The following NEK7 variants were observed in gnomAD, a reference collection of about 807,000 sequenced individuals.
NEK7 encodes the protein NIMA related kinase 7.
A neutral mutation model predicts 44.6 loss-of-function variants in NEK7; 18 were observed. That is an observed-to-expected ratio of 0.40 (90% CI 0.28 to 0.60). The LOEUF is 0.60. Among genes scored for constraint, NEK7 ranks in the 20% least tolerant of loss-of-function variants. The pLI, the probability that NEK7 is intolerant of heterozygous loss-of-function variation, is 0.38. For missense variants in NEK7, 256 were observed against 366.5 expected, an observed-to-expected ratio of 0.70 and a Z score of 2.46; for synonymous variants, 130 against 121.1, an observed-to-expected ratio of 1.07 and a Z score of -0.48.
chr1:198,313,765 G>GT (rs777875237), intron 9 of NEK7, among the ~76,000 whole-genome samples: 44 of 139,688 alleles, frequency 3.1e-4, no homozygotes, highest in Non-Finnish European at 5.8e-4. Flanking sequence ...TTGAATATTG[G>GT]CCCCACTCTC....
chr1:198,254,264 AT>A (rs1382997067), intron 3 of NEK7, among the ~76,000 whole-genome samples: 1 of 152,106 alleles, frequency 6.6e-6, no homozygotes, highest in Non-Finnish European at 1.5e-5. Context: ...CATTAAAAAT[AT>A]TTTCGACATG....
chr1:198,212,042 C>A (rs894835887), intron 1 of NEK7, among the ~76,000 whole-genome samples: 1 of 152,176 alleles, frequency 6.6e-6, no homozygotes, highest in Non-Finnish European at 1.5e-5. Flanking sequence ...GAAAGGCATT[C>A]GGATGTGTCT....
At chr1:198,157,411 G>A (rs1037493817) in intron 1 of NEK7, 135 bp downstream of exon 1, 1 of 152,322 alleles carries the variant, frequency 6.6e-6, no homozygotes, top group Non-Finnish European at 1.5e-5. Flanking sequence ...CTCGGGGTAG[G>A]TGGGGCGGGG....
chr1:198,236,228 A>G (rs1666542044), intron 2 of NEK7, among the ~76,000 whole-genome samples: 1 of 152,084 alleles, frequency 6.6e-6, no homozygotes, highest in Admixed American at 6.6e-5. Flanking sequence ...AGTAAGTGTC[A>G]TTTAACTTGT....
At chr1:198,280,110 A>G (rs1418969939) in intron 7 of NEK7, among the ~76,000 whole-genome samples, 1 of 152,022 alleles carries the variant, frequency 6.6e-6, no homozygotes, top group Non-Finnish European at 1.5e-5. Context: ...ATAGAGCGTT[A>G]TAATTTTTCC....
intron 9 of NEK7, among the ~76,000 whole-genome samples, chr1:198,305,354 T>C (rs559827664): frequency 2.6e-5 from 4 of 152,310 alleles, no homozygotes; most frequent in African/African-American, 9.6e-5. Flanking sequence ...CTTAGAATCA[T>C]TGCACAGTAT....
intron 2 of NEK7, among the ~76,000 whole-genome samples, chr1:198,252,516 C>A: frequency 9.1e-6 from 1 of 110,124 alleles, no homozygotes; most frequent in Non-Finnish European, 1.8e-5. Context: ...TTAGGCTTTC[C>A]TATCTCACAT....
At chr1:198,241,432 TTATGA>T (rs1251498513) in intron 2 of NEK7, among the ~76,000 whole-genome samples, 4 of 152,204 alleles carry the variant, frequency 2.6e-5, no homozygotes, top group Non-Finnish European at 4.4e-5. Flanking sequence ...TCTAGTACAG[TTATGA>T]TAGGTGTCCC....
chr1:198,163,078 T>C lies in NEK7; in HGVS notation c.-29+5802T>C, dbSNP rs566859100. Among the ~76,000 whole-genome samples the C allele has an allele frequency of 2.0e-5, 3 of 152,332 alleles. No homozygotes were observed. The East Asian group carries it at 5.8e-4, about 29-fold the overall frequency. ...TGGTTATAATCATAACAAAGACATA[T>C]GTCCTTATATTATGGTTGGAAAAGT... On this transcript the variant is annotated intron_variant, in intron 1 of 9. Coordinates refer to ENST00000367385, the MANE Select transcript of NEK7 (RefSeq NM_133494.3).
At chr1:198,187,968 A>G (rs572282783) in intron 1 of NEK7, among the ~76,000 whole-genome samples, 1 of 152,316 alleles carries the variant, frequency 6.6e-6, no homozygotes, top group East Asian at 1.9e-4. Flanking sequence ...ATCTGGCTCT[A>G]TAGAGGCACT....
At position 198,212,705 on chromosome 1, in the gene NEK7, G is replaced by T. The variant is rs1665810563; in HGVS notation, c.-28-19848G>T. ...TGGGAGCTCCATGGCCCAGCCCATT[G>T]CCTGAAATACCAGAGTACCACCCCA... On this transcript the variant is annotated intron_variant, in intron 1 of 9. Transcript: ENST00000367385. Among the ~76,000 whole-genome samples, 3 of 152,146 alleles carry T rather than the reference G, an allele frequency of 2.0e-5. No individual in the cohort carries two copies. In the South Asian group the frequency reaches 6.2e-4, roughly 32 times the overall value.
At chr1:198,281,864 T>C (rs1417238857) in intron 7 of NEK7, among the ~76,000 whole-genome samples, 2 of 152,102 alleles carry the variant, frequency 1.3e-5, no homozygotes, top group Non-Finnish European at 2.9e-5. Context: ...CTGTAGTCTG[T>C]CTTCTGTAGC....
intron 2 of NEK7, among the ~76,000 whole-genome samples, chr1:198,250,355 C>T (rs1159447197): frequency 1.5e-4 from 23 of 151,916 alleles, no homozygotes; most frequent in East Asian, 3.9e-4. Context: ...ATTGACTTGG[C>T]GATGCGGGCT....
chr1:198,216,602 A>G (rs1938380), intron 1 of NEK7, among the ~76,000 whole-genome samples: 77,552 of 151,244 alleles, frequency 0.51, 23,130 homozygotes, highest in East Asian at 0.9. Flanking sequence ...AAATGAAATT[A>G]GAACAAACAA....
intron 1 of NEK7, among the ~76,000 whole-genome samples, chr1:198,214,271 G>A (rs1665856658): frequency 6.6e-6 from 1 of 152,144 alleles, no homozygotes; most frequent in Non-Finnish European, 1.5e-5. Flanking sequence ...TGAAAAAATA[G>A]GGTTCTATAA....
chr1:198,271,727 G>C (rs890165983), intron 5 of NEK7, among the ~76,000 whole-genome samples: 4 of 151,620 alleles, frequency 2.6e-5, no homozygotes, highest in African/African-American at 9.7e-5. Flanking sequence ...ACAATTATGA[G>C]AACTGCCAGT....
chr1:198,208,080 G>A (rs929602003), intron 1 of NEK7, among the ~76,000 whole-genome samples: 9 of 152,130 alleles, frequency 5.9e-5, no homozygotes, highest in African/African-American at 2.2e-4. Flanking sequence ...AATTTGCCCT[G>A]TTGCCATGCT....
At chr1:198,186,465 G>C (rs1250073487) in intron 1 of NEK7, among the ~76,000 whole-genome samples, 1 of 152,156 alleles carries the variant, frequency 6.6e-6, no homozygotes, top group Non-Finnish European at 1.5e-5. Context: ...AAGGAATGCT[G>C]AGACCTGCTT....
At chr1:198,226,010 A>C (rs1221336355) in intron 1 of NEK7, among the ~76,000 whole-genome samples, 1 of 152,164 alleles carries the variant, frequency 6.6e-6, no homozygotes, top group African/African-American at 2.4e-5. Flanking sequence ...ATTTTGTACC[A>C]GGTATTGACG....
Sources: gnomAD v4.1 joint callset for allele counts (sites outside exome capture counted in the v4.1 genomes callset) on GRCh38, gnomAD v4.1.1 for gene constraint, MANE v1.5 for transcripts, NCBI Gene and HGNC (gene_info 2026-07-23, HGNC 2026-07-21) for gene names.